Variants in RYR1 observed in about 807,000 individuals in gnomAD.
The protein encoded by RYR1 is ryanodine receptor 1, also known as central core disease of muscle.
RYR1 carries 342 observed loss-of-function variants against 583.5 expected under a neutral mutation model. The ratio of observed to expected loss-of-function variants is 0.59; its 90% CI spans 0.54 to 0.64. RYR1 has a LOEUF of 0.64. Among genes scored for constraint, RYR1 ranks in the 30% least tolerant of loss-of-function variants. RYR1 has a pLI of 0.00. For synonymous variants in RYR1, 2,791 were observed against 2,822.5 expected (o/e 0.99, Z 0.35); for missense variants, 6,032 against 6,917.2 (o/e 0.87, Z 4.54).
chr19:38,565,548 G>T lies in RYR1; in HGVS notation c.13214G>T (p.Gly4405Val). Residue 4405 changes from glycine to valine, a missense_variant, in exon 91 of 106, where the codon GGC (glycine) becomes GTC (valine). Gly to Val is a moderately radical substitution (Grantham distance 109, BLOSUM62 -3). Transcript: ENST00000359596. The surrounding 1 kb of genome is among the most constrained non-coding windows in gnomAD (Gnocchi z 4.7). ...GCCGGGCCGGGCGGAGACGCAGACG[G>T]CGAGGGTGCCAGCGAGGGCGCTGGA... ...QPAGPGGDAD[G>V]EGASEGAGDA... 6.7e-7 allele frequency: 1 copy of T among 1,492,080 alleles called. No individual in the cohort carries two copies. Among genetic ancestry groups the T allele is most frequent in the Non-Finnish European group, 8.9e-7 (1 of 1,127,822 alleles). The allele number at this position is 1,492,080 out of a possible 1,614,324, so 92.4% of individuals were successfully genotyped here.
Position 38,543,316 on chromosome 19 carries a change from G to A in RYR1, c.11690-31G>A, listed in dbSNP as rs778622658. On this transcript the variant is annotated intron_variant, in intron 84 of 105. Transcript: ENST00000359596. This position sits in a 1 kb window ranked among gnomAD's most constrained non-coding sequence, Gnocchi z 4.4. ...GTTCATCTCCCCTAGCACATGGGAG[G>A]TGCTGGATAAATGACTTTTCATCTC... is the stretch of plus-strand genomic sequence containing the variant. 2.5e-6 allele frequency: 4 copies of A among 1,586,992 alleles called. No homozygotes were observed. The highest frequency in any genetic ancestry group is 3.5e-6 in the Non-Finnish European group (4 of 1,155,318).
chr19:38,586,686 G>A (rs1201105252), intron 105 of RYR1, 110 bp downstream of exon 105: 3 of 1,114,384 alleles, frequency 2.7e-6, no homozygotes, highest in Non-Finnish European at 2.7e-6. Flanking sequence ...GGTTAGGGCT[G>A]GGGGCTGGGC....
intron 101 of RYR1, among the ~76,000 whole-genome samples, chr19:38,583,238 A>C (rs1974294141): frequency 6.6e-6 from 1 of 150,956 alleles, no homozygotes; most frequent in South Asian, 2.1e-4. Flanking sequence ...CGGAGGTTGC[A>C]GTGAGCCGAG....
At chr19:38,506,799 A>G in intron 56 of RYR1, 30 bp from the exon 57 acceptor site, 1 of 1,613,910 alleles carries the variant, frequency 6.2e-7, no homozygotes, top group Non-Finnish European at 8.5e-7. Flanking sequence ...TCTTCCCCAG[A>G]GCCCTGATTT....
At chr19:38,526,047 C>T (rs1282139318) in intron 71 of RYR1, among the ~76,000 whole-genome samples, 1 of 151,980 alleles carries the variant, frequency 6.6e-6, no homozygotes. Context: ...AACTAAGCCC[C>T]CAAGACTCTC....
intron 93 of RYR1, among the ~76,000 whole-genome samples, chr19:38,568,725 C>T (rs1241969416): frequency 6.0e-5 from 7 of 116,048 alleles, no homozygotes; most frequent in Admixed American, 1.2e-4. Context: ...GCACTCCAGC[C>T]TGGGCGACAG....
chr19:38,569,165 C>T lies in RYR1; in HGVS notation c.13659+1248C>T, dbSNP rs546404763. Among the ~76,000 whole-genome samples the T allele has an allele frequency of 3.9e-5, 6 of 152,210 alleles. No homozygotes were observed. The South Asian group carries it at 1.2e-3, about 32-fold the overall frequency. On this transcript the variant is annotated intron_variant, in intron 93 of 105. Transcript: ENST00000359596. ...AGCTAGGACTACAGGCGCCCGCCGC[C>T]ACGCCTGGCTAATTTTTTGTATTTT... is the stretch of plus-strand genomic sequence containing the variant.
chr19:38,559,231 T>C (rs1263500478), intron 89 of RYR1, among the ~76,000 whole-genome samples: 1 of 139,884 alleles, frequency 7.1e-6, no homozygotes, highest in Non-Finnish European at 1.5e-5. Flanking sequence ...TGGGCTTCTT[T>C]TTTTTTTTTT....
Position 38,490,862 on chromosome 19 carries a change from A to ATGAG in RYR1, c.6127+138_6127+141dup, listed in dbSNP as rs568763366. 7.9e-5 allele frequency: 56 copies of ATGAG among 712,860 alleles called. 1 individual carries two copies. The highest frequency in any genetic ancestry group is 1.3e-4 in the Non-Finnish European group (50 of 389,448). 44.2% of individuals were successfully genotyped at this position (712,860 alleles called of 1,614,324 possible). ...ATGTAACTATTGGTTGAATGAATGA[A>ATGAG]TGAGTGAGTGAATGAATGTGTTAGT... On this transcript the variant is annotated intron_variant, in intron 37 of 105. Coordinates refer to ENST00000359596, the MANE Select transcript of RYR1 (RefSeq NM_000540.3).
rs779359130 is a variant in RYR1 at position 38,507,704 on chromosome 19, C to T, written c.8817-8C>T. 2 of 1,574,762 alleles carry T rather than the reference C, an allele frequency of 1.3e-6. No homozygotes were observed. The highest frequency in any genetic ancestry group is 1.3e-5 in the African/African-American group (1 of 74,240). ...TGGGCTGATCCTTCTCTCCACATCT[C>T]CATGCAGAGGCCTTAAGGACATGGA... On this transcript the variant is annotated splice_region_variant and splice_polypyrimidine_tract_variant and intron_variant, in intron 57 of 105. Coordinates refer to ENST00000359596, the MANE Select transcript of RYR1 (RefSeq NM_000540.3).
Position 38,500,028 on chromosome 19 carries a change from AGCCAGG to A in RYR1, c.7323+15_7323+20del. 1.2e-6 allele frequency: 2 copies of A among 1,612,554 alleles called. No homozygotes were observed. Among genetic ancestry groups the A allele is most frequent in the Admixed American group, 1.7e-5 (1 of 60,020 alleles). Reference sequence around the variant, plus strand: ...CACCAGAGATGCATGTGAGACCCTGAGCCAGGGCAGGATGGGAAGGGAGGGCAGGCA... The same window carrying A: ...CACCAGAGATGCATGTGAGACCCTGAGCAGGATGGGAAGGGAGGGCAGGCA... On this transcript the variant is annotated intron_variant, in intron 45 of 105. Coordinates refer to ENST00000359596, the MANE Select transcript of RYR1 (RefSeq NM_000540.3). The surrounding 1 kb of genome is among the most constrained non-coding windows in gnomAD (Gnocchi z 5.9).
At chr19:38,577,848 C>T in intron 97 of RYR1, 70 bp from the exon 98 acceptor site, 1 of 1,600,194 alleles carries the variant, frequency 6.2e-7, no homozygotes, top group Non-Finnish European at 8.5e-7. Flanking sequence ...GTCCCCAGAA[C>T]CCCCTTGCAG....
Position 38,535,132 on chromosome 19 carries a change from T to C in RYR1, c.11360-9T>C. On this transcript the variant is annotated splice_polypyrimidine_tract_variant and intron_variant, in intron 79 of 105. Transcript: ENST00000359596. ...GGGTGGACCATCTTTTTTCTCCCAC[T>C]CCCTCCAGGAGAGACAGGTGCCATG... is the stretch of plus-strand genomic sequence containing the variant. 3 of 1,613,082 alleles carry C rather than the reference T, an allele frequency of 1.9e-6. No individual in the cohort carries two copies. The highest frequency in any genetic ancestry group is 1.7e-6 in the Non-Finnish European group (2 of 1,179,958).
rs761023180 is a variant in RYR1, at chr19:38,505,345, G to A, written c.8347G>A (p.Glu2783Lys). The A allele has an allele frequency of 1.8e-5, 29 of 1,612,358 alleles. No individual in the cohort carries two copies. The highest frequency in any genetic ancestry group is 6.7e-5 in the East Asian group (3 of 44,886). ...NNWSYGENID[E>K]ELKTHPMLRP... Reference sequence around the variant, plus strand: ...CTGGTCCTATGGAGAGAACATAGACGAGGAGCTGAAGACCCACCCCATGCT... The same window carrying A: ...CTGGTCCTATGGAGAGAACATAGACAAGGAGCTGAAGACCCACCCCATGCT... Residue 2783 changes from glutamate (E) to lysine (K), a missense_variant, in exon 53 of 106, where the codon GAG (glutamate) becomes AAG (lysine). Glu to Lys is a moderately conservative substitution (Grantham distance 56). Coordinates refer to ENST00000359596, the MANE Select transcript of RYR1 (RefSeq NM_000540.3).
intron 29 of RYR1, among the ~76,000 whole-genome samples, chr19:38,475,718 A>G (rs553552764): frequency 1.3e-3 from 194 of 152,358 alleles, no homozygotes; most frequent in African/African-American, 4.4e-3. Flanking sequence ...AAGCCATGAT[A>G]TAAGCCAATA....
intron 89 of RYR1, among the ~76,000 whole-genome samples, chr19:38,560,590 G>A (rs1423281047): frequency 3.3e-5 from 5 of 150,190 alleles, no homozygotes; most frequent in Middle Eastern, 3.5e-3. Flanking sequence ...TTAGCCAGGT[G>A]TGGTGGCGGG....
In RYR1 at chr19:38,561,120, A is replaced by C. The variant is rs1392049101; in HGVS notation, c.12290A>C (p.Asp4097Ala). The C allele has an allele frequency of 6.2e-7, 1 of 1,613,792 alleles. No individual in the cohort carries two copies. Among genetic ancestry groups the C allele is most frequent in the Non-Finnish European group, 8.5e-7 (1 of 1,179,986 alleles). Residue 4097 changes from aspartate (D) to alanine (A), a missense_variant, in exon 90 of 106, where the codon GAC becomes GCC. Around this residue, in one of 11 missense-constraint regions of RYR1, gnomAD observed 753 missense variants for 759.6 expected, o/e 0.99. Transcript: ENST00000359596. This position sits in a 1 kb window ranked among gnomAD's most constrained non-coding sequence, Gnocchi z 4.8. ...ISKKDFQKAM[D>A]SQKQFSGPEI... The stretch of plus-strand genomic sequence containing the variant: ...CTCCCTGCCCGCCCCCAGGCCATGG[A>C]CAGCCAGAAGCAGTTCAGCGGTCCA...
Position 38,460,573 on chromosome 19 carries a change from C to T in RYR1, c.2559C>T (p.Cys853=). ...RCLSHTDFVP[C]PVDTVQIVLP... ...TCTCACACACCGACTTCGTGCCCTGCCCTGTGGACACTGTCCAGGTACTGC... is the reference window on the plus strand; with the variant it reads ...TCTCACACACCGACTTCGTGCCCTGTCCTGTGGACACTGTCCAGGTACTGC... The change falls in exon 20 of 106, where the codon TGC becomes TGT. Residue 853 remains cysteine, a synonymous_variant. Coordinates refer to ENST00000359596, the MANE Select transcript of RYR1 (RefSeq NM_000540.3). 1 of 1,612,552 alleles carries T rather than the reference C, an allele frequency of 6.2e-7. No individual in the cohort carries two copies. Among genetic ancestry groups the T allele is most frequent in the East Asian group, 2.2e-5 (1 of 44,888 alleles).
At chr19:38,572,787 C>T (rs1453738377) in intron 95 of RYR1, among the ~76,000 whole-genome samples, 1 of 151,332 alleles carries the variant, frequency 6.6e-6, no homozygotes, top group Non-Finnish European at 1.5e-5. Context: ...CAGCCCTGAC[C>T]CCTATATGCC....
Sources: gnomAD v4.1 joint callset for allele counts (sites outside exome capture counted in the v4.1 genomes callset) on GRCh38, gnomAD v4.1.1 for gene constraint, gnomAD v4.1.1 regional missense constraint, Gnocchi (gnomAD v3.1) non-coding constraint, MANE v1.5 for transcripts, NCBI Gene and HGNC (gene_info 2026-07-23, HGNC 2026-07-21) for gene names.